The following OSBP2 variants were observed in gnomAD, a reference collection of about 807,000 sequenced individuals.
The protein encoded by OSBP2 is oxysterol-binding protein 2.
OSBP2 carries 66 observed loss-of-function variants against 96.0 expected under a neutral mutation model. The ratio of observed to expected loss-of-function variants is 0.69; its 90% CI spans 0.56 to 0.84. OSBP2 has a LOEUF of 0.84. Among genes scored for constraint, OSBP2 ranks in the 40% least tolerant of loss-of-function variants. OSBP2 has a pLI of 0.00. For missense variants in OSBP2, 1,038 were observed against 1,222.7 expected (o/e 0.85, Z 2.25); for synonymous variants, 525 against 520.9 (o/e 1.01, Z -0.11).
At chr22:30,764,302 G>T (rs2090243093) in intron 2 of OSBP2, 1 of 985,008 alleles carries the variant, frequency 1.0e-6, no homozygotes, top group East Asian at 1.1e-4. Flanking sequence ...ATGAGGAGGG[G>T]GTTGGGTGGC....
intron 12 of OSBP2, among the ~76,000 whole-genome samples, chr22:30,905,171 A>G (rs956600249): frequency 4.9e-5 from 5 of 102,888 alleles, no homozygotes; most frequent in African/African-American, 1.1e-4. Flanking sequence ...TTTTAGACGG[A>G]GCCTCGAACT....
intron 2 of OSBP2, among the ~76,000 whole-genome samples, chr22:30,778,421 GT>G (rs1469885066): frequency 6.6e-6 from 1 of 151,734 alleles, no homozygotes; most frequent in Non-Finnish European, 1.5e-5. Context: ...AGTTTTTGTT[GT>G]CACTTTCTGC....
intron 2 of OSBP2, among the ~76,000 whole-genome samples, chr22:30,801,831 G>C (rs1160503266): frequency 2.6e-5 from 4 of 152,070 alleles, no homozygotes; most frequent in Non-Finnish European, 5.9e-5. Context: ...AAAAATCCTA[G>C]CTAGATATGG....
intron 2 of OSBP2, among the ~76,000 whole-genome samples, chr22:30,791,981 A>T (rs2090682063): frequency 6.6e-6 from 1 of 152,328 alleles, no homozygotes; most frequent in South Asian, 2.1e-4. Flanking sequence ...TCATAATCAA[A>T]ACAGGAAAAA....
At chr22:30,818,697 G>A (rs1229931136) in intron 2 of OSBP2, among the ~76,000 whole-genome samples, 1 of 152,148 alleles carries the variant, frequency 6.6e-6, no homozygotes, top group Non-Finnish European at 1.5e-5. Flanking sequence ...TTGAGCAAAG[G>A]AAGGAACATA....
intron 2 of OSBP2, among the ~76,000 whole-genome samples, chr22:30,865,261 T>TG (rs2039310494): frequency 6.6e-6 from 1 of 152,014 alleles, no homozygotes; most frequent in Admixed American, 6.6e-5. Flanking sequence ...GAGTGGGGAA[T>TG]GGGGTGTGGG....
In OSBP2 at chr22:30,813,073, G is replaced by C. The variant is rs371824340; in HGVS notation, c.854-57356G>C. 1.2e-4 allele frequency among the ~76,000 whole-genome samples: 18 copies of C among 151,626 alleles called. 1 individual carries two copies. In the East Asian group the frequency reaches 3.5e-3, roughly 29 times the overall value. On this transcript the variant is annotated intron_variant, in intron 2 of 13. Transcript: ENST00000332585. ...CTTTTCACTGTTTTTGTGGTGCTGT[G>C]GAATTTCTAAATGTTTATATTGTCA...
At chr22:30,803,805 G>GGT (rs144837494) in intron 2 of OSBP2, among the ~76,000 whole-genome samples, 3 of 139,132 alleles carry the variant, frequency 2.2e-5, no homozygotes, top group Non-Finnish European at 2.9e-5. Context: ...CTGCCAGTGG[G>GGT]GTGTGTGTGT....
chr22:30,875,450 A>G (rs2039559070), intron 3 of OSBP2, among the ~76,000 whole-genome samples: 1 of 151,344 alleles, frequency 6.6e-6, no homozygotes, highest in African/African-American at 2.4e-5. Context: ...TTGGCTCACC[A>G]CAACCTCGGC....
intron 3 of OSBP2, among the ~76,000 whole-genome samples, chr22:30,873,804 C>T (rs180739382): frequency 1.3e-5 from 2 of 152,330 alleles, no homozygotes; most frequent in African/African-American, 4.8e-5. Flanking sequence ...GGATGGCTGG[C>T]CAGACAAAGC....
Position 30,902,140 on chromosome 22 carries a change from C to CAAAA in OSBP2, c.2376-3688_2376-3685dup, listed in dbSNP as rs1239083048. The CAAAA allele has an allele frequency of 8.2e-4, 213 of 258,356 alleles. 2 individuals carry two copies. Among genetic ancestry groups the CAAAA allele is most frequent in the Non-Finnish European group, 9.9e-4 (146 of 146,744 alleles). The allele number at this position is 258,356 out of a possible 1,614,324, so 16.0% of individuals were successfully genotyped here. A position where few individuals can be genotyped will look rare whatever the true frequency, so the allele number is the denominator to read the frequency against. ...AAAAAAAAAACGAAAAAAAAAAAAC[C>CAAAA]AAAAAAAAAAAACAGAGGGTCCCAC... On this transcript the variant is annotated intron_variant, in intron 12 of 13. Transcript: ENST00000332585.
chr22:30,772,304 A>G (rs2090358234), intron 2 of OSBP2, among the ~76,000 whole-genome samples: 1 of 152,208 alleles, frequency 6.6e-6, no homozygotes, highest in African/African-American at 2.4e-5. Flanking sequence ...TAGCTCAGAA[A>G]TGAGATAACC....
At chr22:30,889,707 A>AAGCAGCCCCGACAGGTCCTC in intron 7 of OSBP2, 71 bp downstream of exon 7, 1 of 1,443,560 alleles carries the variant, frequency 6.9e-7, no homozygotes, top group Non-Finnish European at 9.7e-7. Flanking sequence ...ATGAGCAGTA[A>AAGCAGCCCCGACAGGTCCTC]TGGCCTGTGT....
At chr22:30,795,543 G>A (rs936785028) in intron 2 of OSBP2, among the ~76,000 whole-genome samples, 10 of 140,624 alleles carry the variant, frequency 7.1e-5, no homozygotes, top group African/African-American at 2.7e-4. Flanking sequence ...TTTTGAGATG[G>A]AGTTTCACTC....
At position 30,906,562 on chromosome 22, in the gene OSBP2, G is replaced by A. The variant is rs893283425; in HGVS notation, c.*223G>A. ...AGCCCCCAGGTGCGCCGGGTCACCC[G>A]TGCCCCTTCATTATGGACCTGGGCC... On this transcript the variant is annotated 3_prime_UTR_variant, in exon 14 of 14. Transcript: ENST00000332585. The A allele has an allele frequency of 1.2e-5, 6 of 483,394 alleles. No homozygotes were observed. The highest frequency in any genetic ancestry group is 4.2e-5 in the South Asian group (1 of 23,854). 29.9% of individuals were successfully genotyped at this position (483,394 alleles called of 1,614,324 possible).
intron 2 of OSBP2, among the ~76,000 whole-genome samples, chr22:30,794,754 A>G (rs1330479776): frequency 6.6e-6 from 1 of 150,542 alleles, no homozygotes; most frequent in African/African-American, 2.4e-5. Context: ...CCGAGATTGC[A>G]TCACTGCACT....
At chr22:30,790,438 CA>C (rs1377861860) in intron 2 of OSBP2, among the ~76,000 whole-genome samples, 3 of 152,034 alleles carry the variant, frequency 2.0e-5, no homozygotes, top group Non-Finnish European at 4.4e-5. Flanking sequence ...GGAAAGAGGA[CA>C]AAGCCAGAGG....
rs904696417 is a variant in OSBP2 at position 30,847,979 on chromosome 22, A to G, written c.854-22450A>G. ...TTTCTTATACATTCTTTTAAAACAC[A>G]TATACTATAGATACCCTATGAAAAG... On this transcript the variant is annotated intron_variant, in intron 2 of 13. Transcript: ENST00000332585. 2.6e-5 allele frequency among the ~76,000 whole-genome samples: 4 copies of G among 152,172 alleles called. No individual in the cohort carries two copies. The South Asian group carries it at 8.3e-4, about 32-fold the overall frequency.
chr22:30,809,723 G>T (rs146867118), intron 2 of OSBP2, among the ~76,000 whole-genome samples: 1 of 152,208 alleles, frequency 6.6e-6, no homozygotes, highest in Non-Finnish European at 1.5e-5. Flanking sequence ...TCAGTAAATT[G>T]TCCCCATAAT....
Sources: gnomAD v4.1 joint callset for allele counts (sites outside exome capture counted in the v4.1 genomes callset) on GRCh38, gnomAD v4.1.1 for gene constraint, MANE v1.5 for transcripts, NCBI Gene and HGNC (gene_info 2026-07-23, HGNC 2026-07-21) for gene names.